EPS15: variants seen among roughly 807,000 people sequenced by gnomAD.
The protein encoded by EPS15 is epidermal growth factor receptor pathway substrate 15, also known as epidermal growth factor receptor substrate 15.
In EPS15, 72 loss-of-function variants were observed where a neutral mutation model predicts 113.8. The ratio of observed to expected loss-of-function variants is 0.63; its 90% CI spans 0.52 to 0.77. The LOEUF (loss-of-function observed/expected upper bound fraction) is 0.77, where lower values mean the gene tolerates loss of function less well. EPS15 is among the 30% of genes least tolerant of loss of function. The probability of loss-of-function intolerance (pLI) is 0.00; values close to 1 mark genes in which losing one functional copy is unlikely to be tolerated. For synonymous variants in EPS15, 344 were observed against 363.4 expected (o/e 0.95, Z 0.61); for missense variants, 1,048 against 1,045.8 (o/e 1.00, Z -0.03).
At chr1:51,413,153 C>CATA (rs1649897284) in intron 13 of EPS15, among the ~76,000 whole-genome samples, 1 of 152,120 alleles carries the variant, frequency 6.6e-6, no homozygotes, top group African/African-American at 2.4e-5. Context: ...TTCCACAAGC[C>CATA]ATAACCTCTG....
In EPS15 at chr1:51,356,562, C is replaced by A; in HGVS notation, c.*138G>T. On this transcript the variant is annotated 3_prime_UTR_variant, in exon 25 of 25. Transcript: ENST00000371733. The stretch of plus-strand genomic sequence containing the variant: ...CTGTAATGAAGAAAAAAAAAAAATC[C>A]TAAAATTTTGTCACATTTACAGGAA... The A allele has an allele frequency of 1.0e-4, 65 of 646,364 alleles. No homozygotes were observed. The highest frequency in any genetic ancestry group is 5.5e-4 in the South Asian group (16 of 29,172). 40.0% of individuals were successfully genotyped at this position (646,364 alleles called of 1,614,324 possible).
At chr1:51,484,125 G>C (rs1557514133) in intron 1 of EPS15, among the ~76,000 whole-genome samples, 1 of 152,050 alleles carries the variant, frequency 6.6e-6, no homozygotes, top group Non-Finnish European at 1.5e-5. Flanking sequence ...AAAAAAGTCA[G>C]AGTCAGGACT....
chr1:51,365,754 T>A (rs1465714689), intron 22 of EPS15, among the ~76,000 whole-genome samples, 199 bp downstream of exon 22: 1 of 152,208 alleles, frequency 6.6e-6, no homozygotes, highest in African/African-American at 2.4e-5. Flanking sequence ...ACCTCTACCA[T>A]CAATACAGTC....
At chr1:51,466,469 A>C (rs2148505769) in intron 5 of EPS15, among the ~76,000 whole-genome samples, 1 of 151,750 alleles carries the variant, frequency 6.6e-6, no homozygotes, top group East Asian at 1.9e-4. Context: ...CACCAAAAAA[A>C]AAATTTAGCC....
rs747148940 is a variant in EPS15, at chr1:51,361,405, A to G, written c.2360-50T>C. On this transcript the variant is annotated intron_variant, in intron 23 of 24. Coordinates refer to ENST00000371733, the MANE Select transcript of EPS15 (RefSeq NM_001981.3). ...TTCAACCAGTAAATACAGCAAATAC[A>G]AGCACACAAGAACATGTACACAGAT... The G allele has an allele frequency of 2.1e-5, 29 of 1,401,610 alleles. No individual in the cohort carries two copies. The South Asian group carries it at 3.5e-4, about 17-fold the overall frequency. 86.8% of individuals were successfully genotyped at this position (1,401,610 alleles called of 1,614,324 possible). A position where few individuals can be genotyped will look rare whatever the true frequency, so the allele number is the denominator to read the frequency against.
intron 11 of EPS15, among the ~76,000 whole-genome samples, chr1:51,442,255 C>G (rs1652653506): frequency 6.6e-6 from 1 of 152,124 alleles, no homozygotes; most frequent in Non-Finnish European, 1.5e-5. Context: ...GAAACATTAG[C>G]ACTTGGTCTC....
rs138099502 is a variant in EPS15, at chr1:51,448,061, T to A, written c.636A>T (p.Pro212=). 6.2e-7 allele frequency: 1 copy of A among 1,613,718 alleles called. No homozygotes were observed. The highest frequency in any genetic ancestry group is 8.5e-7 in the Non-Finnish European group (1 of 1,179,776). ...PMSLPPALVP[P]SKRKTWVVSP... is the part of the protein sequence containing the mutation. ...ATATACTGACCGTTTTTCTCTTAGA[T>A]GGTGGCACCAAGGCTGGAGGCAAGG... is the stretch of plus-strand genomic sequence containing the variant. The change falls in exon 9 of 25, where the codon CCA becomes CCT. Residue 212 remains proline (P), a synonymous_variant. Transcript: ENST00000371733.
At chr1:51,437,330 AT>A in intron 12 of EPS15, among the ~76,000 whole-genome samples, 1 of 151,848 alleles carries the variant, frequency 6.6e-6, no homozygotes. Context: ...TCCTTTTTTC[AT>A]TATGCATTTA....
chr1:51,408,861 G>A (rs563875011), intron 14 of EPS15, among the ~76,000 whole-genome samples: 1 of 150,020 alleles, frequency 6.7e-6, no homozygotes, highest in Non-Finnish European at 1.5e-5. Flanking sequence ...GTGCAGTGGC[G>A]TGATCTCAGC....
At chr1:51,387,989 C>T (rs573880956) in intron 21 of EPS15, among the ~76,000 whole-genome samples, 2 of 152,190 alleles carry the variant, frequency 1.3e-5, no homozygotes, top group Non-Finnish European at 2.9e-5. Context: ...ATCTACAGAA[C>T]TCTCCACCAC....
chr1:51,430,568 A>C (rs984173063), intron 12 of EPS15, among the ~76,000 whole-genome samples: 18 of 118,588 alleles, frequency 1.5e-4, no homozygotes, highest in South Asian at 7.1e-4. Context: ...ACTTCGTCTC[A>C]AAAAAAAAAA....
chr1:51,498,893 A>G (rs1017907328), intron 1 of EPS15, among the ~76,000 whole-genome samples: 1 of 152,206 alleles, frequency 6.6e-6, no homozygotes, highest in Non-Finnish European at 1.5e-5. Flanking sequence ...AGGTGGGGCC[A>G]TTAAGGGGTG....
chr1:51,465,367 A>C, intron 5 of EPS15, 41 bp from the exon 6 acceptor site: 45 of 1,395,272 alleles, frequency 3.2e-5, no homozygotes, highest in Non-Finnish European at 4.1e-5. Context: ...TGAAATTCTC[A>C]CATCAAGAAG....
At chr1:51,422,176 TG>T in intron 12 of EPS15, 1 of 473,692 alleles carries the variant, frequency 2.1e-6, no homozygotes. Context: ...TAGTGTCCAA[TG>T]AAAATTGCTG....
chr1:51,448,802 AAAAT>A (rs914473922), intron 8 of EPS15, among the ~76,000 whole-genome samples: 5 of 152,186 alleles, frequency 3.3e-5, no homozygotes, highest in Non-Finnish European at 5.9e-5. Flanking sequence ...TAGCATCAAA[AAAAT>A]AAATAAATAA....
chr1:51,457,074 AGG>A (rs1654055222), intron 8 of EPS15, among the ~76,000 whole-genome samples: 1 of 152,128 alleles, frequency 6.6e-6, no homozygotes, highest in Admixed American at 6.5e-5. Flanking sequence ...TCACGAGGTC[AGG>A]AGATCAAGAC....
intron 13 of EPS15, among the ~76,000 whole-genome samples, chr1:51,418,050 A>G (rs1459055261): frequency 6.6e-6 from 1 of 152,204 alleles, no homozygotes; most frequent in East Asian, 1.9e-4. Flanking sequence ...TAGGCGATAC[A>G]GGTGGCAGTA....
chr1:51,387,154 G>A (rs1422720482), intron 21 of EPS15, among the ~76,000 whole-genome samples: 2 of 152,078 alleles, frequency 1.3e-5, no homozygotes, highest in Non-Finnish European at 1.5e-5. Flanking sequence ...AAGAGAGTGG[G>A]GGCCAATGTT....
At chr1:51,493,681 C>T (rs1257101824) in intron 1 of EPS15, among the ~76,000 whole-genome samples, 2 of 151,440 alleles carry the variant, frequency 1.3e-5, no homozygotes, top group East Asian at 2.0e-4. Context: ...TGCAATGGCA[C>T]GATCTCGGCT....
Sources: allele counts gnomAD v4.1 joint callset (sites outside exome capture counted in the v4.1 genomes callset), GRCh38; gene constraint gnomAD v4.1.1; transcripts MANE v1.5; gene names NCBI Gene and HGNC (gene_info 2026-07-23, HGNC 2026-07-21).